Variants in ZNF318 observed in about 807,000 individuals in gnomAD.
The protein encoded by ZNF318 is zinc finger protein 318.
ZNF318 carries 51 observed loss-of-function variants against 124.2 expected under a neutral mutation model. The observed-to-expected ratio is 0.41, with a 90% CI of 0.33 to 0.52. The LOEUF (loss-of-function observed/expected upper bound fraction) is 0.52, where lower values mean the gene tolerates loss of function less well. Among genes scored for constraint, ZNF318 ranks in the 20% least tolerant of loss-of-function variants. The pLI, the probability that ZNF318 is intolerant of heterozygous loss-of-function variation, is 0.23. For missense variants in ZNF318, 2,815 were observed against 2,811.2 expected (o/e 1.00, Z -0.03); for synonymous variants, 1,090 against 1,040.7 (o/e 1.05, Z -0.91).
In ZNF318 at chr6:43,355,100, G is replaced by A. The variant is rs1481900562; in HGVS notation, c.2234C>T (p.Ala745Val). 1.9e-6 allele frequency: 3 copies of A among 1,614,066 alleles called. No individual in the cohort carries two copies. The highest frequency in any genetic ancestry group is 2.7e-5 in the African/African-American group (2 of 74,918). The change falls in exon 4 of 10, where the codon GCC becomes GTC. Residue 745 changes from alanine (A) to valine (V), a missense_variant. Ala to Val is a moderately conservative substitution (Grantham distance 64, BLOSUM62 0). Coordinates refer to ENST00000361428, the MANE Select transcript of ZNF318 (RefSeq NM_014345.3). ...TGGAAGTCTAATTGGGGCAGATGGGGCTGATGGCAACATGCACCTGACTGC... is the reference window on the plus strand; with the variant it reads ...TGGAAGTCTAATTGGGGCAGATGGGACTGATGGCAACATGCACCTGACTGC... ...SVAVRCMLPS[A>V]PSAPIRLPHT...
chr6:43,346,073 C>T (rs955102928), intron 6 of ZNF318, among the ~76,000 whole-genome samples: 4 of 149,810 alleles, frequency 2.7e-5, no homozygotes, highest in Non-Finnish European at 4.4e-5. Context: ...TGGTGGCACA[C>T]GCCTGTAACT....
At chr6:43,363,995 A>G in intron 2 of ZNF318, 1 of 707,332 alleles carries the variant, frequency 1.4e-6, no homozygotes, top group Non-Finnish European at 2.5e-6. Context: ...GTGCTGGTGC[A>G]CCTCATCCCT....
Position 43,342,775 on chromosome 6 carries a change from C to T in ZNF318, c.3177G>A (p.Glu1059=), listed in dbSNP as rs748743296. 46 of 1,614,082 alleles carry T rather than the reference C, an allele frequency of 2.8e-5. No individual in the cohort carries two copies. Among genetic ancestry groups the T allele is most frequent in the Non-Finnish European group, 3.7e-5 (44 of 1,180,038 alleles). Residue 1059 remains glutamate, a synonymous_variant, in exon 7 of 10, where the codon GAG becomes GAA. Coordinates refer to ENST00000361428, the MANE Select transcript of ZNF318 (RefSeq NM_014345.3). ...KQLDQPTAAY[E]YYDAGNHWCK... is the part of the protein sequence containing the mutation. ...ACCAGTGATTGCCAGCATCATAATA[C>T]TCATAAGCAGCAGTGGGCTGATCCA... is the stretch of plus-strand genomic sequence containing the variant.
At chr6:43,341,040 A>C (rs1487394462) in intron 8 of ZNF318, 132 bp from the exon 9 acceptor site, 3 of 672,418 alleles carry the variant, frequency 4.5e-6, no homozygotes, top group African/African-American at 3.6e-5. Flanking sequence ...TTGAAGTCAG[A>C]AGCAGTATTT....
At chr6:43,366,977 A>C (rs1779770413) in intron 1 of ZNF318, among the ~76,000 whole-genome samples, 1 of 151,742 alleles carries the variant, frequency 6.6e-6, no homozygotes, top group Non-Finnish European at 1.5e-5. Context: ...TCAGCCTCCC[A>C]AGTAGCTGGG....
Position 43,355,329 on chromosome 6 carries a change from G to A in ZNF318, c.2005C>T (p.Arg669Cys), listed in dbSNP as rs757150299. The change falls in exon 4 of 10, where the codon CGT (arginine) becomes TGT (cysteine). Residue 669 changes from arginine to cysteine, a missense_variant. Coordinates refer to ENST00000361428, the MANE Select transcript of ZNF318 (RefSeq NM_014345.3). ...SVDHCFSADR[R>C]SSDPHRLESR... is the part of the protein sequence containing the mutation. Reference sequence around the variant, plus strand: ...TCTAGTCTGTGGGGATCTGAGGAACGTCGATCAGCTGAGAAGCAGTGGTCA... The same window carrying A: ...TCTAGTCTGTGGGGATCTGAGGAACATCGATCAGCTGAGAAGCAGTGGTCA... 3.8e-5 allele frequency: 62 copies of A among 1,614,054 alleles called. No homozygotes were observed. Among genetic ancestry groups the A allele is most frequent in the African/African-American group, 1.6e-4 (12 of 74,922 alleles).
At chr6:43,343,009 CA>C in intron 6 of ZNF318, 130 bp from the exon 7 acceptor site, 1 of 741,872 alleles carries the variant, frequency 1.3e-6, no homozygotes, top group Non-Finnish European at 2.2e-6. Flanking sequence ...TAAAGCTGCA[CA>C]AGTTGGGGGG....
At chr6:43,361,112 G>C (rs1779676245) in intron 2 of ZNF318, among the ~76,000 whole-genome samples, 1 of 152,156 alleles carries the variant, frequency 6.6e-6, no homozygotes, top group Admixed American at 6.5e-5. Context: ...TGTTAAAAAT[G>C]TATACATATT....
rs1761801485 is a variant in ZNF318, at chr6:43,337,517, C to T, written c.6481G>A (p.Ala2161Thr). Reference protein sequence around the residue: ...LGLELKTINSAGLGPSPCLPD... With the variant: ...LGLELKTINSTGLGPSPCLPD... ...AGGCAAGGAGATGGCCCAAGGCCTG[C>T]AGAATTAATTGTTTTTAATTCCAAT... The change falls in exon 10 of 10, where the codon GCA (alanine) becomes ACA (threonine). Residue 2161 changes from alanine (A) to threonine (T), a missense_variant. By Grantham distance (58) the Ala-to-Thr change is moderately conservative. This residue lies in a region of ZNF318 where 927 missense variants were observed against 820.6 expected (regional missense o/e 1.13). Coordinates refer to ENST00000361428, the MANE Select transcript of ZNF318 (RefSeq NM_014345.3). 6 of 1,614,142 alleles carry T rather than the reference C, an allele frequency of 3.7e-6. No individual in the cohort carries two copies. The highest frequency in any genetic ancestry group is 5.1e-6 in the Non-Finnish European group (6 of 1,180,020).
chr6:43,368,856 AGGCT>A, intron 1 of ZNF318, 107 bp downstream of exon 1: 6 of 1,237,342 alleles, frequency 4.8e-6, no homozygotes, highest in Non-Finnish European at 6.1e-6. Flanking sequence ...AGTTGGCCGG[AGGCT>A]TCGCGCTTAG....
intron 3 of ZNF318, 54 bp downstream of exon 3, chr6:43,357,072 C>T: frequency 1.3e-6 from 2 of 1,540,584 alleles, no homozygotes; most frequent in Non-Finnish European, 1.7e-6. Context: ...AGTAAGCAGG[C>T]TTTAAGATAT....
intron 1 of ZNF318, among the ~76,000 whole-genome samples, chr6:43,367,587 G>A (rs1779778783): frequency 6.6e-6 from 1 of 152,198 alleles, no homozygotes; most frequent in Admixed American, 6.5e-5. Context: ...GATGTGGGAA[G>A]AAGGGAGATA....
chr6:43,336,978 A>T lies in ZNF318; in HGVS notation c.*180T>A. The stretch of plus-strand genomic sequence containing the variant: ...TGTTATCGATTTGTCTGGTGTTTTA[A>T]GGGGAAAGGGAAAAGGAAAGGAGGT... On this transcript the variant is annotated 3_prime_UTR_variant, in exon 10 of 10. Coordinates refer to ENST00000361428, the MANE Select transcript of ZNF318 (RefSeq NM_014345.3). 1 of 433,192 alleles carries T rather than the reference A, an allele frequency of 2.3e-6. No individual in the cohort carries two copies. Among genetic ancestry groups the T allele is most frequent in the African/African-American group, 2.0e-5 (1 of 49,306 alleles). 26.8% of individuals were successfully genotyped at this position (433,192 alleles called of 1,614,324 possible). A position where few individuals can be genotyped will look rare whatever the true frequency, so the allele number is the denominator to read the frequency against.
At position 43,337,267 on chromosome 6, in the gene ZNF318, G is replaced by T. The variant is rs1403662522; in HGVS notation, c.6731C>A (p.Pro2244His). Residue 2244 changes from proline to histidine, a missense_variant, in exon 10 of 10, where the codon CCT becomes CAT. Transcript: ENST00000361428. ...GTCTTCAATTACCTGCTCCCTTGGA[G>T]GGGACCTTGACACTGGAGCTTTAAC... The part of the protein sequence containing the change: ...NLVKAPVSRS[P>H]PREQVIEDNM... 6.2e-7 allele frequency: 1 copy of T among 1,614,162 alleles called. No individual in the cohort carries two copies. The highest frequency in any genetic ancestry group is 1.7e-5 in the Admixed American group (1 of 60,018).
At chr6:43,366,445 C>CAGAT (rs1779762381) in intron 1 of ZNF318, among the ~76,000 whole-genome samples, 1 of 152,162 alleles carries the variant, frequency 6.6e-6, no homozygotes, top group South Asian at 2.1e-4. Context: ...TCACCTCCTT[C>CAGAT]AGATCTTTAT....
intron 2 of ZNF318, among the ~76,000 whole-genome samples, chr6:43,360,636 A>G (rs1270205983): frequency 6.6e-6 from 1 of 152,244 alleles, no homozygotes; most frequent in Non-Finnish European, 1.5e-5. Flanking sequence ...CTTTTATACC[A>G]ATGTTCAGAG....
Position 43,339,640 on chromosome 6 carries a change from G to A in ZNF318, c.4358C>T (p.Pro1453Leu), listed in dbSNP as rs752615198. 2 of 1,611,098 alleles carry A rather than the reference G, an allele frequency of 1.2e-6. No individual in the cohort carries two copies. Among genetic ancestry groups the A allele is most frequent in the South Asian group, 1.1e-5 (1 of 90,868 alleles). Residue 1453 changes from proline to leucine, a missense_variant, in exon 10 of 10, where the codon CCA becomes CTA. This residue lies in a region of ZNF318 where 500 missense variants were observed against 605.2 expected (regional missense o/e 0.83). Coordinates refer to ENST00000361428, the MANE Select transcript of ZNF318 (RefSeq NM_014345.3). The surrounding 1 kb of genome is among the most constrained non-coding windows in gnomAD (Gnocchi z 4.2). ...TGGATGAGGTATAACGGGGGGTGGT[G>A]GAGGTGGTGGAGGTGGGGGTGGTGG... is the stretch of plus-strand genomic sequence containing the variant. ...PPPPPPPPPPPPPPVIPHPAA... is the reference protein window; with the variant it reads ...PPPPPPPPPPLPPPVIPHPAA...
intron 5 of ZNF318, among the ~76,000 whole-genome samples, chr6:43,352,171 T>C (rs1219115661): frequency 1.8e-4 from 10 of 56,736 alleles, no homozygotes; most frequent in African/African-American, 1.2e-3. Context: ...ATCATCATCA[T>C]CATCATCATC....
chr6:43,355,163 C>G lies in ZNF318; in HGVS notation c.2171G>C (p.Gly724Ala). ...KSDHPVGHIS[G>A]PEVVGSGFQS... The stretch of plus-strand genomic sequence containing the variant: ...AAACCCACTACCAACCACCTCTGGT[C>G]CTGAAATATGACCCACTGGATGGTC... Residue 724 changes from glycine (G) to alanine (A), a missense_variant, in exon 4 of 10, where the codon GGA becomes GCA. By Grantham distance (60) the Gly-to-Ala change is moderately conservative (BLOSUM62 0). This residue lies in a region of ZNF318 where 1,377 missense variants were observed against 1,353.5 expected (regional missense o/e 1.02). Coordinates refer to ENST00000361428, the MANE Select transcript of ZNF318 (RefSeq NM_014345.3). The G allele has an allele frequency of 6.2e-7, 1 of 1,614,162 alleles. No individual in the cohort carries two copies. The highest frequency in any genetic ancestry group is 8.5e-7 in the Non-Finnish European group (1 of 1,180,032).
Sources: gnomAD v4.1 joint callset for allele counts (sites outside exome capture counted in the v4.1 genomes callset) on GRCh38, gnomAD v4.1.1 for gene constraint, gnomAD v4.1.1 regional missense constraint, Gnocchi (gnomAD v3.1) non-coding constraint, MANE v1.5 for transcripts, NCBI Gene and HGNC (gene_info 2026-07-23, HGNC 2026-07-21) for gene names.